Variants in GPI observed in about 807,000 individuals in gnomAD.
GPI encodes the protein glucose-6-phosphate isomerase, also known as D-hexose-6-phosphate anomerase.
A neutral mutation model predicts 75.8 loss-of-function variants in GPI; 56 were observed. That is an observed-to-expected ratio of 0.74 (90% CI 0.60 to 0.92). The LOEUF (loss-of-function observed/expected upper bound fraction) is 0.92, where lower values mean the gene tolerates loss of function less well. GPI is among the 40% of genes least tolerant of loss of function. The pLI, the probability that GPI is intolerant of heterozygous loss-of-function variation, is 0.00. For synonymous variants in GPI, 288 were observed against 285.4 expected (o/e 1.01, Z -0.09); for missense variants, 638 against 741.0 (o/e 0.86, Z 1.61).
intron 15 of GPI, 26 bp downstream of exon 15, chr19:34,399,361 G>T: frequency 6.2e-7 from 1 of 1,613,918 alleles, no homozygotes; most frequent in South Asian, 1.1e-5. Context: ...TTTGGCTTTG[G>T]GGTGCATGCT....
chr19:34,377,339 A>ATATATATATATATG (rs1370680219), intron 4 of GPI, among the ~76,000 whole-genome samples, 164 bp from the exon 5 acceptor site: 1 of 83,846 alleles, frequency 1.2e-5, no homozygotes, highest in African/African-American at 5.3e-5. Flanking sequence ...AAAAAAAAAT[A>ATATATATATATATG]TATATATATA....
rs188895905 is a variant in GPI at position 34,373,668 on chromosome 19, A to G, written c.403-3835A>G. Among the ~76,000 whole-genome samples the G allele has an allele frequency of 2.9e-3, 437 of 152,304 alleles. 2 individuals carry two copies. The highest frequency in any genetic ancestry group is 4.3e-3 in the Non-Finnish European group (291 of 68,024). Reference sequence around the variant, plus strand: ...CAAAATTTAGCAACTAGAAGCAACAATCACCGTCTCTTTATGTGGGGAATT... The same window carrying G: ...CAAAATTTAGCAACTAGAAGCAACAGTCACCGTCTCTTTATGTGGGGAATT... On this transcript the variant is annotated intron_variant, in intron 4 of 17. Coordinates refer to ENST00000356487, the MANE Select transcript of GPI (RefSeq NM_000175.5).
chr19:34,364,384 C>T (rs2074323555), upstream of GPI, among the ~76,000 whole-genome samples: 1 of 139,404 alleles, frequency 7.2e-6, no homozygotes, highest in African/African-American at 2.6e-5. Flanking sequence ...CTGACCTCAT[C>T]TTTTTTTTTT....
chr19:34,368,820 C>A (rs2145327387), intron 4 of GPI, 118 bp downstream of exon 4: 3 of 1,167,134 alleles, frequency 2.6e-6, no homozygotes, highest in Non-Finnish European at 3.8e-6. Context: ...GTTCTCACTG[C>A]AGCTTAAGGG....
In GPI at chr19:34,399,295, G is replaced by A. The variant is rs1161111733; in HGVS notation, c.1358G>A (p.Gly453Asp). Residue 453 changes from glycine to aspartate, a missense_variant, in exon 15 of 18, where the codon GGC becomes GAC. Transcript: ENST00000356487. ...EEARKELQAA[G>D]KSPEDLERLL... ...GCCCGAAAGGAGCTCCAGGCTGCGG[G>A]CAAGAGTCCAGAGGACCTTGAGAGG... is the stretch of plus-strand genomic sequence containing the variant. 1 of 1,614,120 alleles carries A rather than the reference G, an allele frequency of 6.2e-7. No homozygotes were observed. Among genetic ancestry groups the A allele is most frequent in the South Asian group, 1.1e-5 (1 of 91,082 alleles).
At chr19:34,385,055 G>A (rs940824444) in intron 9 of GPI, among the ~76,000 whole-genome samples, 10 of 150,280 alleles carry the variant, frequency 6.7e-5, no homozygotes, top group African/African-American at 1.5e-4. Flanking sequence ...AAAAAAAAGC[G>A]GGGGTTGGGT....
At chr19:34,378,909 C>A in intron 6 of GPI, 25 bp from the exon 7 acceptor site, 1 of 1,602,418 alleles carries the variant, frequency 6.2e-7, no homozygotes, top group Non-Finnish European at 8.6e-7. Flanking sequence ...GCTCGGGCGC[C>A]CACTGCTGTT....
At chr19:34,399,511 A>G in intron 15 of GPI, 45 bp from the exon 16 acceptor site, 3 of 1,596,322 alleles carry the variant, frequency 1.9e-6, no homozygotes, top group Non-Finnish European at 2.6e-6. Flanking sequence ...CAAGGGGTTT[A>G]GGGATCAGGA....
intron 14 of GPI, chr19:34,397,514 G>A (rs971232519): frequency 2.6e-5 from 4 of 152,088 alleles, no homozygotes; most frequent in African/African-American, 9.7e-5. Flanking sequence ...GTGTCATGCT[G>A]TGTTGTCTAG....
chr19:34,372,098 T>A (rs1356050032), intron 4 of GPI, among the ~76,000 whole-genome samples: 1 of 151,226 alleles, frequency 6.6e-6, no homozygotes, highest in Non-Finnish European at 1.5e-5. Context: ...ACCCAGCTAA[T>A]TTTTGTATTT....
chr19:34,381,748 TC>T (rs2074657137), intron 9 of GPI: 1 of 614,910 alleles, frequency 1.6e-6, no homozygotes, highest in Non-Finnish European at 2.9e-6. Flanking sequence ...CACATGACAC[TC>T]CCTTGGGTGC....
chr19:34,402,331 T>G lies in GPI; in HGVS notation c.*2295T>G, dbSNP rs780808993. 3.3e-5 allele frequency: 5 copies of G among 152,152 alleles called. No individual in the cohort carries two copies. The highest frequency in any genetic ancestry group is 5.9e-5 in the Non-Finnish European group (4 of 68,034). 9.4% of individuals were successfully genotyped at this position (152,152 alleles called of 1,614,324 possible). On this transcript the variant is annotated 3_prime_UTR_variant, in exon 18 of 18. Coordinates refer to ENST00000356487, the MANE Select transcript of GPI (RefSeq NM_000175.5). ...CTAAAGGGTACTTAAACCCCAGATT[T>G]TCTACACAGGGCACTTGCTTGAGCC...
At chr19:34,367,029 A>G (rs1249774343) in intron 3 of GPI, 178 bp downstream of exon 3, 4 of 702,618 alleles carry the variant, frequency 5.7e-6, no homozygotes, top group Non-Finnish European at 1.0e-5. Flanking sequence ...TGCCTTCCAC[A>G]AGATTGGTTT....
At chr19:34,376,088 A>G (rs986103489) in intron 4 of GPI, among the ~76,000 whole-genome samples, 3 of 152,162 alleles carry the variant, frequency 2.0e-5, no homozygotes, top group Non-Finnish European at 2.9e-5. Context: ...ACCAGGAAAG[A>G]GTCTAGTTGG....
At chr19:34,392,146 G>T (rs1599849268) in intron 9 of GPI, 8 of 4,136 alleles carry the variant, frequency 1.9e-3, no homozygotes, top group African/African-American at 4.5e-3. Flanking sequence ...TGAGGAGGTA[G>T]GATCTGGCCC....
At chr19:34,365,924 G>A (rs746514139) in intron 1 of GPI, 22 of 481,870 alleles carry the variant, frequency 4.6e-5, no homozygotes, top group Non-Finnish European at 4.1e-6. Flanking sequence ...CAAATCATGG[G>A]CGGGAGTGCG....
In GPI at chr19:34,399,594, C is replaced by G; in HGVS notation, c.1437C>G (p.Phe479Leu). ...ATCGCCCAACCAACTCTATTGTGTT[C>G]ACCAAGCTCACACCATTCATGCTTG... ...EGNRPTNSIV[F>L]TKLTPFMLGA... Residue 479 changes from phenylalanine to leucine, a missense_variant, in exon 16 of 18, where the codon TTC becomes TTG. By Grantham distance (22) the Phe-to-Leu change is conservative (BLOSUM62 0). Coordinates refer to ENST00000356487, the MANE Select transcript of GPI (RefSeq NM_000175.5). 1 of 1,614,134 alleles carries G rather than the reference C, an allele frequency of 6.2e-7. No homozygotes were observed. Among genetic ancestry groups the G allele is most frequent in the East Asian group, 2.2e-5 (1 of 44,876 alleles).
At chr19:34,367,335 A>G (rs1463893826) in intron 3 of GPI, among the ~76,000 whole-genome samples, 1 of 152,114 alleles carries the variant, frequency 6.6e-6, no homozygotes, top group African/African-American at 2.4e-5. Context: ...CTCTGTCCTC[A>G]TGATGTCATT....
At chr19:34,371,147 G>A (rs1334393954) in intron 4 of GPI, among the ~76,000 whole-genome samples, 1 of 152,262 alleles carries the variant, frequency 6.6e-6, no homozygotes, top group Non-Finnish European at 1.5e-5. Context: ...CTGTTTCCAG[G>A]AAAGCCTTCC....
Sources: allele counts gnomAD v4.1 joint callset (sites outside exome capture counted in the v4.1 genomes callset), GRCh38; gene constraint gnomAD v4.1.1; transcripts MANE v1.5; gene names NCBI Gene and HGNC (gene_info 2026-07-23, HGNC 2026-07-21).